Variants in RADIL observed in about 807,000 individuals in gnomAD.
The protein encoded by RADIL is ras-associating and dilute domain-containing protein.
In RADIL, 99 loss-of-function variants were observed where a neutral mutation model predicts 97.6. The observed-to-expected ratio is 1.01, with a 90% confidence interval of 0.86 to 1.20. The LOEUF is 1.20. RADIL is among the 50% of genes most tolerant of loss of function. RADIL has a pLI of 0.00. For synonymous variants in RADIL, 803 were observed against 691.8 expected, an observed-to-expected ratio of 1.16 and a Z score of -2.52; for missense variants, 1,765 against 1,498.9, an observed-to-expected ratio of 1.18 and a Z score of -2.93.
In RADIL at chr7:4,849,361, T is replaced by C. The variant is rs1479364802; in HGVS notation, c.536-12756A>G. Among the ~76,000 whole-genome samples the C allele has an allele frequency of 6.6e-6, 1 of 152,208 alleles. No homozygotes were observed. The highest frequency in any genetic ancestry group is 1.5e-5 in the Non-Finnish European group (1 of 68,038). ...TAAGTGTACATAGTTTTCATTCTAC[T>C]GCAAGAATGAATTAATGAATGAATG... On this transcript the variant is annotated intron_variant, in intron 2 of 14. Coordinates refer to ENST00000399583, the MANE Select transcript of RADIL (RefSeq NM_018059.5). This position sits in a 1 kb window ranked among gnomAD's most constrained non-coding sequence, Gnocchi z 5.4.
At chr7:4,871,942 AC>A (rs551607321) in intron 2 of RADIL, among the ~76,000 whole-genome samples, 59 of 152,200 alleles carry the variant, frequency 3.9e-4, no homozygotes, top group African/African-American at 1.4e-3. Flanking sequence ...GTGCCTCTTT[AC>A]AAAGTGCGCA....
rs1242841365 is a variant in RADIL at position 4,798,140 on chromosome 7, T to C, written c.*1238A>G. On this transcript the variant is annotated 3_prime_UTR_variant, in exon 15 of 15. Coordinates refer to ENST00000399583, the MANE Select transcript of RADIL (RefSeq NM_018059.5). ...ATCTTAAATATATATACAAACACTATATATATATATATATTTTATCCAGTA... is the reference window on the plus strand; with the variant it reads ...ATCTTAAATATATATACAAACACTACATATATATATATATTTTATCCAGTA... 1 of 144,190 alleles carries C rather than the reference T, an allele frequency of 6.9e-6. No individual in the cohort carries two copies. Among genetic ancestry groups the C allele is most frequent in the African/African-American group, 2.7e-5 (1 of 36,894 alleles). 8.9% of individuals were successfully genotyped at this position (144,190 alleles called of 1,614,324 possible).
At chr7:4,799,603 G>A in intron 14 of RADIL, 27 bp downstream of exon 14, 1 of 1,605,984 alleles carries the variant, frequency 6.2e-7, no homozygotes, top group South Asian at 1.1e-5. Context: ...TGGGAGAAGG[G>A]GCCGGGCGTG....
intron 2 of RADIL, among the ~76,000 whole-genome samples, chr7:4,846,950 A>T (rs1783589284): frequency 6.6e-6 from 1 of 152,324 alleles, no homozygotes; most frequent in South Asian, 2.1e-4. Flanking sequence ...AATGCTCAAC[A>T]TCATTAGTCA....
intron 11 of RADIL, among the ~76,000 whole-genome samples, chr7:4,802,240 C>T (rs952235560): frequency 6.6e-6 from 1 of 152,232 alleles, no homozygotes; most frequent in Non-Finnish European, 1.5e-5. Flanking sequence ...GCCCCCAGCC[C>T]AGCTTCCAAC....
chr7:4,805,094 C>CAAAAAT (rs1782254422), intron 10 of RADIL, among the ~76,000 whole-genome samples: 1 of 151,062 alleles, frequency 6.6e-6, no homozygotes, highest in Admixed American at 6.6e-5. Flanking sequence ...ACTCTTGTCT[C>CAAAAAT]AAAAATAAAA....
chr7:4,838,089 G>A (rs1164692848), intron 2 of RADIL: 2 of 981,128 alleles, frequency 2.0e-6, no homozygotes, highest in Non-Finnish European at 2.4e-6. Context: ...CGTGAGGGAG[G>A]CCGCCCAGCC....
At position 4,815,241 on chromosome 7, in the gene RADIL, C is replaced by G. The variant is rs1159827752; in HGVS notation, c.2139+37G>C. On this transcript the variant is annotated intron_variant, in intron 9 of 14. Transcript: ENST00000399583. The surrounding 1 kb of genome is among the most constrained non-coding windows in gnomAD (Gnocchi z 8.0). ...GGGACCCACAGCATGTGGCCCCGCC[C>G]CTCCCCACACTCGCCGCCTCCCATG... 2.0e-5 allele frequency: 30 copies of G among 1,491,842 alleles called. No homozygotes were observed. Among genetic ancestry groups the G allele is most frequent in the Non-Finnish European group, 2.6e-5 (29 of 1,115,584 alleles). The allele number at this position is 1,491,842 out of a possible 1,614,324, so 92.4% of individuals were successfully genotyped here.
rs898887931 is a variant in RADIL, at chr7:4,801,558, A to G, written c.2842+95T>C. The G allele has an allele frequency of 1.2e-5, 16 of 1,354,380 alleles. No homozygotes were observed. In the African/African-American group the frequency reaches 2.2e-4, roughly 19 times the overall value. 83.9% of individuals were successfully genotyped at this position (1,354,380 alleles called of 1,614,324 possible). On this transcript the variant is annotated intron_variant, in intron 12 of 14. Transcript: ENST00000399583. ...GTCTGTGGGGCAGGTAAGGAAACCT[A>G]GGACCCAAGGGGGGAACGATCCCAG...
In RADIL at chr7:4,841,558, G is replaced by A. The variant is rs543521374; in HGVS notation, c.536-4953C>T. On this transcript the variant is annotated intron_variant, in intron 2 of 14. Transcript: ENST00000399583. ...CAGTTCCTGCAGAGGAAGCCGGCGG[G>A]CGCGGGTCTCCCCTACTGCCCCGTG... Among the ~76,000 whole-genome samples the A allele has an allele frequency of 3.3e-5, 5 of 152,312 alleles. No homozygotes were observed. The East Asian group carries it at 7.7e-4, about 24-fold the overall frequency.
rs750007556 is a variant in RADIL, at chr7:4,835,106, G to A, written c.917C>T (p.Pro306Leu). 54 of 1,608,666 alleles carry A rather than the reference G, an allele frequency of 3.4e-5. No individual in the cohort carries two copies. The highest frequency in any genetic ancestry group is 2.5e-4 in the African/African-American group (19 of 74,858). ...CCTCCCCGCGGCCTGGCCGCTGTCC[G>A]GGAGCGGTTGCCGGCGGATGGTGCA... ...LHCTIRRQPLPDSGQAAGRLV... is the reference protein window; with the variant it reads ...LHCTIRRQPLLDSGQAAGRLV... Residue 306 changes from proline to leucine, a missense_variant, in exon 4 of 15, where the codon CCG (proline) becomes CTG (leucine). Physicochemically the swap from Pro to Leu is moderately conservative, Grantham distance 98. Coordinates refer to ENST00000399583, the MANE Select transcript of RADIL (RefSeq NM_018059.5). The surrounding 1 kb of genome is among the most constrained non-coding windows in gnomAD (Gnocchi z 5.8).
intron 2 of RADIL, chr7:4,865,577 AC>A (rs1432798085): frequency 1.7e-4 from 131 of 793,082 alleles, no homozygotes; most frequent in Admixed American, 1.4e-4. Context: ...TGAGAAAGGG[AC>A]CTCGGATGTC....
In RADIL at chr7:4,842,909, G is replaced by A. The variant is rs1783480790; in HGVS notation, c.536-6304C>T. 6.6e-6 allele frequency among the ~76,000 whole-genome samples: 1 copy of A among 151,818 alleles called. No homozygotes were observed. Among genetic ancestry groups the A allele is most frequent in the Admixed American group, 6.6e-5 (1 of 15,230 alleles). ...AGTGCAGTGTGGATTCACAGGCGTG[G>A]TCACCATAATACCCTGCAGCCTCGA... On this transcript the variant is annotated intron_variant, in intron 2 of 14. Coordinates refer to ENST00000399583, the MANE Select transcript of RADIL (RefSeq NM_018059.5). This position sits in a 1 kb window ranked among gnomAD's most constrained non-coding sequence, Gnocchi z 4.5.
In RADIL at chr7:4,842,503, G is replaced by C. The variant is rs1783464633; in HGVS notation, c.536-5898C>G. Among the ~76,000 whole-genome samples, 1 of 152,284 alleles carries C rather than the reference G, an allele frequency of 6.6e-6. No homozygotes were observed. The highest frequency in any genetic ancestry group is 2.4e-5 in the African/African-American group (1 of 41,560). On this transcript the variant is annotated intron_variant, in intron 2 of 14. Transcript: ENST00000399583. The surrounding 1 kb of genome is among the most constrained non-coding windows in gnomAD (Gnocchi z 4.5). Reference sequence around the variant, plus strand: ...TAGTGACCCGCTGCTGGCAGAGAGGGCAGGGCTCTGCGTGCCGGGGGTGCA... The same window carrying C: ...TAGTGACCCGCTGCTGGCAGAGAGGCCAGGGCTCTGCGTGCCGGGGGTGCA...
chr7:4,798,147 A>G lies in RADIL; in HGVS notation c.*1231T>C, dbSNP rs1003218604. ...ATATATATACAAACACTATATATATATATATATTTTATCCAGTATTTTGGG... is the reference window on the plus strand; with the variant it reads ...ATATATATACAAACACTATATATATGTATATATTTTATCCAGTATTTTGGG... On this transcript the variant is annotated 3_prime_UTR_variant, in exon 15 of 15. Coordinates refer to ENST00000399583, the MANE Select transcript of RADIL (RefSeq NM_018059.5). 1 of 149,428 alleles carries G rather than the reference A, an allele frequency of 6.7e-6. No homozygotes were observed. The highest frequency in any genetic ancestry group is 1.5e-5 in the Non-Finnish European group (1 of 67,518). 9.3% of individuals were successfully genotyped at this position (149,428 alleles called of 1,614,324 possible).
At chr7:4,865,785 G>T in intron 2 of RADIL, 1 of 911,264 alleles carries the variant, frequency 1.1e-6, no homozygotes, top group Non-Finnish European at 1.8e-6. Context: ...TCACCACAAG[G>T]TTTTTCACAG....
At chr7:4,807,365 G>T (rs1312264023) in intron 9 of RADIL, among the ~76,000 whole-genome samples, 4 of 152,024 alleles carry the variant, frequency 2.6e-5, no homozygotes, top group Non-Finnish European at 5.9e-5. Flanking sequence ...CTGTTTGATT[G>T]TGAGTTCCTA....
At chr7:4,841,867 G>A (rs1783448278) in intron 2 of RADIL, among the ~76,000 whole-genome samples, 1 of 152,176 alleles carries the variant, frequency 6.6e-6, no homozygotes, top group Non-Finnish European at 1.5e-5. Context: ...TCAAGCCGAG[G>A]CTGATCAACA....
Position 4,854,365 on chromosome 7 carries a change from G to A in RADIL, c.536-17760C>T, listed in dbSNP as rs904513912. On this transcript the variant is annotated intron_variant, in intron 2 of 14. Transcript: ENST00000399583. The surrounding 1 kb of genome is among the most constrained non-coding windows in gnomAD (Gnocchi z 5.1). Reference sequence around the variant, plus strand: ...TCTGTTTGCTTTTGTTTCTGGGGAGGGTGGTGTTTGGTTTTTGTCATTGTT... The same window carrying A: ...TCTGTTTGCTTTTGTTTCTGGGGAGAGTGGTGTTTGGTTTTTGTCATTGTT... Among the ~76,000 whole-genome samples the A allele has an allele frequency of 6.6e-6, 1 of 152,188 alleles. No individual in the cohort carries two copies.
Sources: allele counts gnomAD v4.1 joint callset (sites outside exome capture counted in the v4.1 genomes callset), GRCh38; gene constraint gnomAD v4.1.1; non-coding constraint Gnocchi (gnomAD v3.1); transcripts MANE v1.5; gene names NCBI Gene and HGNC (gene_info 2026-07-23, HGNC 2026-07-21).